PDZD2: variants seen among roughly 807,000 people sequenced by gnomAD.
The protein encoded by PDZD2 is PDZ domain-containing protein 2.
PDZD2 carries 90 observed loss-of-function variants against 220.7 expected under a neutral mutation model. The observed-to-expected ratio is 0.41, with a 90% confidence interval of 0.34 to 0.49. The LOEUF is 0.49. Among genes scored for constraint, PDZD2 ranks in the 20% least tolerant of loss-of-function variants. The pLI is 0.28. For synonymous variants in PDZD2, 1,375 were observed against 1,450.5 expected (o/e 0.95, Z 1.18); for missense variants, 3,174 against 3,608.5 (o/e 0.88, Z 3.08).
chr5:32,033,532 G>A (rs1755282585), intron 6 of PDZD2, among the ~76,000 whole-genome samples: 1 of 152,062 alleles, frequency 6.6e-6, no homozygotes, highest in Non-Finnish European at 1.5e-5. Flanking sequence ...TCAACAGCAA[G>A]AGCTCTCTGC....
chr5:31,702,012 C>T (rs1747631338), intron 1 of PDZD2, among the ~76,000 whole-genome samples: 1 of 152,250 alleles, frequency 6.6e-6, no homozygotes, highest in South Asian at 2.1e-4. Flanking sequence ...TAAGCAGCCA[C>T]ATGGCCTGTG....
chr5:31,947,746 G>A (rs1344740914), intron 2 of PDZD2, among the ~76,000 whole-genome samples: 1 of 152,194 alleles, frequency 6.6e-6, no homozygotes, highest in Non-Finnish European at 1.5e-5. Context: ...AAACCTGGGA[G>A]GTGGAGGTTG....
At chr5:32,003,133 A>G (rs865794489) in intron 5 of PDZD2, among the ~76,000 whole-genome samples, 614 of 13,844 alleles carry the variant, frequency 0.044, 15 homozygotes, top group Admixed American at 0.085. Flanking sequence ...CCACACACAC[A>G]CCACACACAC....
intron 1 of PDZD2, chr5:31,657,423 C>T (rs899246503): frequency 1.3e-5 from 2 of 152,162 alleles, no homozygotes; most frequent in African/African-American, 4.8e-5. Flanking sequence ...TGCTCCTGTT[C>T]AACATTTTTA....
In PDZD2 at chr5:32,098,330, T is replaced by C; in HGVS notation, c.7948-34T>C. 5 of 1,602,154 alleles carry C rather than the reference T, an allele frequency of 3.1e-6. No individual in the cohort carries two copies. Among genetic ancestry groups the C allele is most frequent in the Non-Finnish European group, 4.3e-6 (5 of 1,173,122 alleles). ...TTTTACCGGAAATCGTAAGTGGATC[T>C]GGTTTTTGTTCCCTTTTCCTTTCCT... On this transcript the variant is annotated intron_variant, in intron 22 of 24. Coordinates refer to ENST00000438447, the MANE Select transcript of PDZD2 (RefSeq NM_178140.4). This position sits in a 1 kb window ranked among gnomAD's most constrained non-coding sequence, Gnocchi z 4.1.
chr5:32,051,402 A>AAT (rs1738535160), intron 8 of PDZD2, among the ~76,000 whole-genome samples: 1 of 152,216 alleles, frequency 6.6e-6, no homozygotes, highest in Non-Finnish European at 1.5e-5. Flanking sequence ...AAAAATACAA[A>AAT]AATATCACTG....
intron 14 of PDZD2, among the ~76,000 whole-genome samples, chr5:32,069,119 A>T (rs889893315): frequency 1.3e-5 from 2 of 152,074 alleles, no homozygotes; most frequent in Non-Finnish European, 2.9e-5. Flanking sequence ...TACAAAAATT[A>T]GCCAGGCGTG....
At chr5:31,948,909 G>A (rs936683284) in intron 2 of PDZD2, among the ~76,000 whole-genome samples, 17 of 151,938 alleles carry the variant, frequency 1.1e-4, no homozygotes, top group Admixed American at 2.6e-4. Flanking sequence ...GACCAGCCTG[G>A]CCAACATGGT....
chr5:31,751,383 G>A (rs921907313), intron 1 of PDZD2, among the ~76,000 whole-genome samples: 19 of 152,126 alleles, frequency 1.2e-4, no homozygotes, highest in African/African-American at 4.3e-4. Flanking sequence ...GGTCTAGGTG[G>A]GAAATGATGG....
At chr5:31,960,294 A>G (rs1330364295) in intron 2 of PDZD2, among the ~76,000 whole-genome samples, 1 of 150,574 alleles carries the variant, frequency 6.6e-6, no homozygotes, top group Non-Finnish European at 1.5e-5. Context: ...TCGGCTCACC[A>G]CAACCTCCAC....
intron 1 of PDZD2, among the ~76,000 whole-genome samples, chr5:31,693,494 C>T (rs1243796953): frequency 6.6e-6 from 1 of 152,058 alleles, no homozygotes; most frequent in East Asian, 1.9e-4. Flanking sequence ...CCCACCTCGG[C>T]CTTCCAAAGT....
At chr5:31,763,268 A>C (rs762584908) in intron 1 of PDZD2, among the ~76,000 whole-genome samples, 24 of 152,132 alleles carry the variant, frequency 1.6e-4, no homozygotes, top group Non-Finnish European at 2.9e-4. Context: ...CACAGTCCCT[A>C]GGGCCTCCGG....
At chr5:31,653,386 T>C (rs1745423743) in intron 1 of PDZD2, among the ~76,000 whole-genome samples, 1 of 151,922 alleles carries the variant, frequency 6.6e-6, no homozygotes, top group Non-Finnish European at 1.5e-5. Context: ...GAGATTAGCA[T>C]CAGATTGGCA....
intron 2 of PDZD2, among the ~76,000 whole-genome samples, chr5:31,947,009 G>A (rs1746696700): frequency 1.3e-5 from 2 of 152,114 alleles, no homozygotes; most frequent in Non-Finnish European, 2.9e-5. Flanking sequence ...CGGCTAAGAT[G>A]GTTCTTTTGA....
rs1044962772 is a variant in PDZD2, at chr5:32,000,802, G to A, written c.1254+531G>A. Among the ~76,000 whole-genome samples, 3 of 152,202 alleles carry A rather than the reference G, an allele frequency of 2.0e-5. No individual in the cohort carries two copies. The highest frequency in any genetic ancestry group is 2.9e-5 in the Non-Finnish European group (2 of 68,038). On this transcript the variant is annotated intron_variant, in intron 5 of 24. Coordinates refer to ENST00000438447, the MANE Select transcript of PDZD2 (RefSeq NM_178140.4). This position sits in a 1 kb window ranked among gnomAD's most constrained non-coding sequence, Gnocchi z 4.5. ...TGGGATTACAGGCGTGAGCCACCAT[G>A]CCTGGCCCTTTAAGAGTTTTTATAG...
chr5:32,063,286 C>T (rs1290691502), intron 14 of PDZD2, among the ~76,000 whole-genome samples: 1 of 152,114 alleles, frequency 6.6e-6, no homozygotes, highest in Non-Finnish European at 1.5e-5. Flanking sequence ...CTCAAGTGAT[C>T]CTCCCACTGG....
chr5:31,783,866 G>A (rs186482673), intron 1 of PDZD2, among the ~76,000 whole-genome samples: 1 of 152,128 alleles, frequency 6.6e-6, no homozygotes, highest in South Asian at 2.1e-4. Flanking sequence ...CTGGAGAAAG[G>A]CTTTGCTTAA....
chr5:31,985,245 C>T (rs1023933738), intron 3 of PDZD2, among the ~76,000 whole-genome samples: 6 of 152,100 alleles, frequency 3.9e-5, no homozygotes, highest in Admixed American at 3.3e-4. Flanking sequence ...ATTGTGCATA[C>T]ACAGAAAGCC....
intron 1 of PDZD2, among the ~76,000 whole-genome samples, chr5:31,703,888 C>A (rs533346637): frequency 6.6e-6 from 1 of 152,240 alleles, no homozygotes; most frequent in Admixed American, 6.5e-5. Flanking sequence ...TAATTTTACC[C>A]CCATAGATAC....
Sources: gnomAD v4.1 joint callset for allele counts (sites outside exome capture counted in the v4.1 genomes callset) on GRCh38, gnomAD v4.1.1 for gene constraint, Gnocchi (gnomAD v3.1) non-coding constraint, MANE v1.5 for transcripts, NCBI Gene and HGNC (gene_info 2026-07-23, HGNC 2026-07-21) for gene names.